The following EVL variants were observed in gnomAD, a reference collection of about 807,000 sequenced individuals.
The protein encoded by EVL is ena/VASP-like protein.
Under a neutral mutation model 59.6 loss-of-function variants are expected in EVL, and 21 were observed. That is an observed-to-expected ratio of 0.35 (90% CI 0.25 to 0.51). The LOEUF (loss-of-function observed/expected upper bound fraction) is 0.51. Ranked by LOEUF, EVL falls within the 20% of genes least tolerant of loss-of-function variation. The pLI is 0.97. For missense variants in EVL, 462 were observed against 546.6 expected, an observed-to-expected ratio of 0.85 and a Z score of 1.54; for synonymous variants, 198 against 203.5, an observed-to-expected ratio of 0.97 and a Z score of 0.23.
intron 7 of EVL, 92 bp from the exon 8 acceptor site, chr14:100,132,627 G>T: frequency 7.3e-7 from 1 of 1,378,872 alleles, no homozygotes; most frequent in South Asian, 1.2e-5. Context: ...TCTGAGGACC[G>T]GGGTGAGTCT....
Position 100,116,057 on chromosome 14 carries a change from C to T in EVL, c.359-7482C>T, listed in dbSNP as rs989895323. On this transcript the variant is annotated intron_variant, in intron 3 of 13. Coordinates refer to ENST00000392920, the MANE Select transcript of EVL (RefSeq NM_016337.3). The stretch of plus-strand genomic sequence containing the variant: ...TTCTTGTATGGCCTTGGCCAGGTGA[C>T]GGTAAAGATAGTGGCCAGACCAAGC... Among the ~76,000 whole-genome samples, 64 of 152,220 alleles carry T rather than the reference C, an allele frequency of 4.2e-4. 2 individuals are homozygous for T. Among genetic ancestry groups the T allele is most frequent in the African/African-American group, 4.3e-4 (18 of 41,468 alleles).
At chr14:100,043,605 CTT>C (rs540453599) in intron 1 of EVL, among the ~76,000 whole-genome samples, 9,409 of 127,152 alleles carry the variant, frequency 0.074, 475 homozygotes, top group East Asian at 0.15. Context: ...TTTCCTCTGC[CTT>C]TTTTTTTTTT....
chr14:99,977,728 C>G (rs2060779942), intron 1 of EVL, among the ~76,000 whole-genome samples: 2 of 152,220 alleles, frequency 1.3e-5, no homozygotes, highest in East Asian at 3.9e-4. Flanking sequence ...GCCACCGTGC[C>G]TGGCCAGAAC....
chr14:100,038,354 C>G (rs1222138506), intron 1 of EVL, among the ~76,000 whole-genome samples: 2 of 152,186 alleles, frequency 1.3e-5, no homozygotes, highest in Non-Finnish European at 2.9e-5. Flanking sequence ...GACAAACTTC[C>G]CAGCTCTGTT....
chr14:100,061,969 C>A (rs952226917), upstream of EVL, among the ~76,000 whole-genome samples: 9 of 151,572 alleles, frequency 5.9e-5, no homozygotes, highest in Non-Finnish European at 1.0e-4. Context: ...AAAAGAAATT[C>A]CATGTGCAAG....
intron 3 of EVL, chr14:100,105,966 G>GC (rs1432391788): frequency 6.6e-6 from 1 of 152,266 alleles, no homozygotes; most frequent in Non-Finnish European, 1.5e-5. Flanking sequence ...GGAGGCTCTT[G>GC]CCCCCACTCA....
chr14:100,142,072 C>T, intron 13 of EVL: 1 of 331,868 alleles, frequency 3.0e-6, no homozygotes, highest in Non-Finnish European at 5.7e-6. Context: ...GTGGGAAGAG[C>T]ATGGAGGGGA....
chr14:100,095,888 C>T (rs745533002), intron 2 of EVL, among the ~76,000 whole-genome samples: 9 of 152,126 alleles, frequency 5.9e-5, no homozygotes, highest in East Asian at 1.9e-4. Flanking sequence ...CCACCATTCT[C>T]GGCTTATTTT....
intron 1 of EVL, chr14:100,019,562 C>T (rs1222196167): frequency 1.5e-5 from 15 of 1,013,118 alleles, no homozygotes; most frequent in South Asian, 1.0e-4. Flanking sequence ...GTGGAAACCC[C>T]GCCTCATTTT....
At chr14:100,034,608 A>G (rs111904386) in intron 1 of EVL, among the ~76,000 whole-genome samples, 2,514 of 152,064 alleles carry the variant, frequency 0.017, 73 homozygotes, top group African/African-American at 0.058. Flanking sequence ...ATGGTGGTAC[A>G]TGCTTGTGGG....
intron 1 of EVL, among the ~76,000 whole-genome samples, chr14:99,997,500 T>G (rs2060921498): frequency 6.6e-6 from 1 of 152,224 alleles, no homozygotes; most frequent in African/African-American, 2.4e-5. Context: ...AGATGAATGA[T>G]TTTGATTCTG....
chr14:100,082,422 G>A (rs868848403), intron 1 of EVL, among the ~76,000 whole-genome samples: 8 of 152,172 alleles, frequency 5.3e-5, no homozygotes, highest in Admixed American at 2.0e-4. Flanking sequence ...GGAAGGAAGC[G>A]CTCTTCCTTC....
At position 100,067,834 on chromosome 14, in the gene EVL, A is replaced by G. The variant is rs1224182846; in HGVS notation, c.11+2323A>G. 2.0e-5 allele frequency among the ~76,000 whole-genome samples: 3 copies of G among 152,214 alleles called. No homozygotes were observed. The East Asian group carries it at 5.8e-4, about 29-fold the overall frequency. On this transcript the variant is annotated intron_variant, in intron 1 of 13. Coordinates refer to ENST00000392920, the MANE Select transcript of EVL (RefSeq NM_016337.3). Reference sequence around the variant, plus strand: ...AGGCGACTGGCTGTGAGGACCCTGCAGCACAGAGAGTAATAAGCATAGACA... The same window carrying G: ...AGGCGACTGGCTGTGAGGACCCTGCGGCACAGAGAGTAATAAGCATAGACA...
Position 100,081,440 on chromosome 14 carries a change from T to C in EVL, c.12-3247T>C, listed in dbSNP as rs375225539. ...TAAAATAAGAGACAAACCAATACTATTCAAAGGGTGGGGGGAAACCAGGGG... is the reference window on the plus strand; with the variant it reads ...TAAAATAAGAGACAAACCAATACTACTCAAAGGGTGGGGGGAAACCAGGGG... On this transcript the variant is annotated intron_variant, in intron 1 of 13. Coordinates refer to ENST00000392920, the MANE Select transcript of EVL (RefSeq NM_016337.3). 8.1e-4 allele frequency among the ~76,000 whole-genome samples: 123 copies of C among 151,292 alleles called. 4 individuals carry two copies. In the South Asian group the frequency reaches 0.025, roughly 30 times the overall value.
intron 1 of EVL, among the ~76,000 whole-genome samples, chr14:100,031,394 A>G (rs1490664004): frequency 6.6e-6 from 1 of 152,196 alleles, no homozygotes; most frequent in African/African-American, 2.4e-5. Context: ...CTTCATTGGG[A>G]TAAAATAGGA....
intron 1 of EVL, among the ~76,000 whole-genome samples, chr14:100,046,244 ATTTTGAATTT>A (rs1385570403): frequency 2.0e-5 from 3 of 152,200 alleles, no homozygotes; most frequent in Non-Finnish European, 4.4e-5. Context: ...ATTTTGAAGT[ATTTTGAATTT>A]CAGATTTTTG....
At chr14:100,128,426 CCT>C in intron 5 of EVL, 91 bp from the exon 6 acceptor site, 2 of 1,302,706 alleles carry the variant, frequency 1.5e-6, no homozygotes, top group Non-Finnish European at 2.2e-6. Context: ...GCAGCCTGCC[CCT>C]GTCCTTCCTC....
At chr14:100,072,677 A>G (rs1318009990) in intron 1 of EVL, among the ~76,000 whole-genome samples, 2 of 152,226 alleles carry the variant, frequency 1.3e-5, no homozygotes, top group African/African-American at 2.4e-5. Flanking sequence ...CTGACTTTCA[A>G]ATGGCTCAGG....
intron 11 of EVL, chr14:100,139,469 C>T (rs1889023697): frequency 6.6e-6 from 1 of 152,386 alleles, no homozygotes; most frequent in Non-Finnish European, 1.5e-5. Context: ...AGCAGTCGGC[C>T]CAGGTGTCCC....
Sources: gnomAD v4.1 joint callset for allele counts (sites outside exome capture counted in the v4.1 genomes callset) on GRCh38, gnomAD v4.1.1 for gene constraint, MANE v1.5 for transcripts, NCBI Gene and HGNC (gene_info 2026-07-23, HGNC 2026-07-21) for gene names.